Variants in OPCML observed in about 807,000 individuals in gnomAD.
OPCML encodes the protein opioid binding protein/cell adhesion molecule like, also known as opioid-binding protein/cell adhesion molecule.
Under a neutral mutation model 37.8 loss-of-function variants are expected in OPCML, and 13 were observed. The ratio of observed to expected loss-of-function variants is 0.34; its 90% CI spans 0.22 to 0.55. The LOEUF is 0.55. Among genes scored for constraint, OPCML ranks in the 20% least tolerant of loss-of-function variants. The probability of loss-of-function intolerance (pLI) is 0.91; values close to 1 mark genes in which losing one functional copy is unlikely to be tolerated. For synonymous variants in OPCML, 176 were observed against 168.8 expected, an observed-to-expected ratio of 1.04 and a Z score of -0.33; for missense variants, 341 against 435.6, an observed-to-expected ratio of 0.78 and a Z score of 1.93.
chr11:132,614,550 C>T (rs186795496), intron 3 of OPCML, among the ~76,000 whole-genome samples: 70 of 152,258 alleles, frequency 4.6e-4, no homozygotes, highest in Admixed American at 8.5e-4. Flanking sequence ...ATCACAGTCC[C>T]TTCTCTCCCC....
chr11:132,626,939 TA>T (rs1939785806), intron 3 of OPCML, among the ~76,000 whole-genome samples: 1 of 149,826 alleles, frequency 6.7e-6, no homozygotes, highest in Admixed American at 6.6e-5. Flanking sequence ...TATATAGCTT[TA>T]AAAAATCATT....
chr11:132,890,190 T>C (rs1367330429), intron 2 of OPCML, among the ~76,000 whole-genome samples: 1 of 152,210 alleles, frequency 6.6e-6, no homozygotes, highest in Non-Finnish European at 1.5e-5. Context: ...AGGGTGTTCT[T>C]GGAAGCTTCT....
chr11:133,441,770 C>T (rs7124500), intron 1 of OPCML, among the ~76,000 whole-genome samples: 27,732 of 151,934 alleles, frequency 0.18, 2,775 homozygotes, highest in African/African-American at 0.24. Context: ...TTAAAAAACA[C>T]GCAAGTATCT....
At chr11:133,367,304 C>T (rs925817327) in intron 1 of OPCML, among the ~76,000 whole-genome samples, 3 of 152,118 alleles carry the variant, frequency 2.0e-5, no homozygotes, top group Non-Finnish European at 2.9e-5. Context: ...CTCTTCAGGT[C>T]GCTAAAGACA....
intron 2 of OPCML, among the ~76,000 whole-genome samples, chr11:132,834,102 T>G (rs35268522): frequency 0.067 from 10,179 of 152,264 alleles, 390 homozygotes; most frequent in Non-Finnish European, 0.076. Flanking sequence ...CATAGCTCCT[T>G]TTCTGAGAAG....
chr11:133,134,037 A>C (rs1456947922), intron 1 of OPCML, among the ~76,000 whole-genome samples: 2 of 152,154 alleles, frequency 1.3e-5, no homozygotes, highest in African/African-American at 4.8e-5. Context: ...TGCCTTTGAT[A>C]ATACAGGCTC....
At chr11:132,714,522 G>A (rs1944393764) in intron 2 of OPCML, among the ~76,000 whole-genome samples, 1 of 152,196 alleles carries the variant, frequency 6.6e-6, no homozygotes. Context: ...CTATGGCAGA[G>A]CACGCAATGC....
intron 4 of OPCML, among the ~76,000 whole-genome samples, chr11:132,486,887 T>C (rs1428062260): frequency 6.6e-6 from 1 of 152,210 alleles, no homozygotes; most frequent in Non-Finnish European, 1.5e-5. Flanking sequence ...GGTAACTCAT[T>C]CTTTTCTTAT....
intron 1 of OPCML, among the ~76,000 whole-genome samples, chr11:133,202,083 G>A (rs867535109): frequency 3.3e-5 from 5 of 152,152 alleles, no homozygotes; most frequent in African/African-American, 7.2e-5. Context: ...GAGAACTGCT[G>A]TGAAAAGATA....
intron 1 of OPCML, chr11:133,420,382 T>C (rs1411824455): frequency 1.0e-6 from 1 of 985,462 alleles, no homozygotes; most frequent in Non-Finnish European, 1.2e-6. Context: ...AGGACAGTAG[T>C]TGGTTCTTTT....
chr11:133,116,976 A>AT (rs1949346084), intron 1 of OPCML, among the ~76,000 whole-genome samples: 1 of 151,894 alleles, frequency 6.6e-6, no homozygotes, highest in Admixed American at 6.6e-5. Flanking sequence ...TGTAGAAGAT[A>AT]TTTTTTCCTT....
chr11:132,855,189 T>A (rs1044056206), intron 2 of OPCML, among the ~76,000 whole-genome samples: 11 of 152,184 alleles, frequency 7.2e-5, no homozygotes, highest in Non-Finnish European at 1.3e-4. Context: ...GGTCTTGTGA[T>A]GTTTTTCAGA....
chr11:133,264,709 C>T (rs1463672443), intron 1 of OPCML, among the ~76,000 whole-genome samples: 1 of 152,014 alleles, frequency 6.6e-6, no homozygotes, highest in Non-Finnish European at 1.5e-5. Flanking sequence ...TATAATAATA[C>T]CTCCTTTACC....
At chr11:132,533,958 C>T (rs115595811) in intron 3 of OPCML, among the ~76,000 whole-genome samples, 1,944 of 152,236 alleles carry the variant, frequency 0.013, 40 homozygotes, top group African/African-American at 0.039. Context: ...CCTCACATTC[C>T]TATTATACAC....
At chr11:132,500,799 G>A (rs775772995) in intron 4 of OPCML, among the ~76,000 whole-genome samples, 2 of 152,128 alleles carry the variant, frequency 1.3e-5, no homozygotes, top group African/African-American at 2.4e-5. Flanking sequence ...GTGAGAACAT[G>A]TGGTGTTTGG....
At chr11:133,308,340 A>G (rs902909776) in intron 1 of OPCML, among the ~76,000 whole-genome samples, 6 of 152,178 alleles carry the variant, frequency 3.9e-5, no homozygotes, top group Admixed American at 1.3e-4. Flanking sequence ...TAAGGATTAC[A>G]CAAGTATGAA....
At chr11:133,513,023 A>T (rs1948192400) in intron 1 of OPCML, among the ~76,000 whole-genome samples, 1 of 152,324 alleles carries the variant, frequency 6.6e-6, no homozygotes, top group South Asian at 2.1e-4. Flanking sequence ...CAAACCTTTC[A>T]AGGCATAAAG....
intron 2 of OPCML, among the ~76,000 whole-genome samples, chr11:132,836,796 T>A (rs901614073): frequency 6.6e-6 from 1 of 151,908 alleles, no homozygotes; most frequent in East Asian, 1.9e-4. Context: ...GTAAGGAAAA[T>A]CTAGACCACG....
At chr11:133,086,468 A>G (rs1313861237) in intron 1 of OPCML, among the ~76,000 whole-genome samples, 1 of 152,202 alleles carries the variant, frequency 6.6e-6, no homozygotes, top group Non-Finnish European at 1.5e-5. Flanking sequence ...AAGTCAATGT[A>G]TTGTCTGATA....
Sources: allele counts gnomAD v4.1 joint callset (sites outside exome capture counted in the v4.1 genomes callset), GRCh38; gene constraint gnomAD v4.1.1; transcripts MANE v1.5; gene names NCBI Gene and HGNC (gene_info 2026-07-23, HGNC 2026-07-21).